LUZP2: variants seen among roughly 807,000 people sequenced by gnomAD.
LUZP2 encodes leucine zipper protein 2.
A neutral mutation model predicts 51.6 loss-of-function variants in LUZP2; 52 were observed. The ratio of observed to expected loss-of-function variants is 1.01; its 90% CI spans 0.81 to 1.27. The LOEUF is 1.27. LUZP2 is among the 50% of genes most tolerant of loss of function. The pLI is 0.00. For missense variants in LUZP2, 436 were observed against 395.4 expected (o/e 1.10, Z -0.87); for synonymous variants, 154 against 137.3 (o/e 1.12, Z -0.85).
At chr11:25,014,067 A>G (rs1857064797) in intron 9 of LUZP2, among the ~76,000 whole-genome samples, 1 of 152,170 alleles carries the variant, frequency 6.6e-6, no homozygotes, top group South Asian at 2.1e-4. Context: ...TGTCCCTACA[A>G]AGGACATGAA....
rs1853975050 is a variant in LUZP2, at chr11:24,919,869, G to A, written c.522+5331G>A. 2.6e-5 allele frequency among the ~76,000 whole-genome samples: 4 copies of A among 151,234 alleles called. No homozygotes were observed. The South Asian group carries it at 8.3e-4, about 31-fold the overall frequency. ...TCTCCCATCAGTACAATAATAACAA[G>A]AGAAATGTTGAATTTAAGAATTATT... On this transcript the variant is annotated intron_variant, in intron 7 of 11. Coordinates refer to ENST00000336930, the MANE Select transcript of LUZP2 (RefSeq NM_001009909.4).
chr11:24,978,693 G>C (rs1284176987), intron 8 of LUZP2, among the ~76,000 whole-genome samples: 1 of 151,646 alleles, frequency 6.6e-6, no homozygotes, highest in Non-Finnish European at 1.5e-5. Context: ...TAACAATTAG[G>C]GAATAATTGT....
intron 1 of LUZP2, among the ~76,000 whole-genome samples, chr11:24,586,374 G>A (rs962953530): frequency 4.6e-5 from 7 of 151,672 alleles, no homozygotes; most frequent in Non-Finnish European, 8.8e-5. Flanking sequence ...TTTATTTTTA[G>A]AAAATTCACA....
At chr11:24,602,171 T>TATATATGTGTATATATGTATATATGTAC (rs1565020604) in intron 1 of LUZP2, among the ~76,000 whole-genome samples, 6 of 74,922 alleles carry the variant, frequency 8.0e-5, no homozygotes, top group African/African-American at 3.7e-4. Context: ...TATATGTGTA[T>TATATATGTGTATATATGTATATATGTAC]ATATATGTGT....
chr11:24,614,339 C>A (rs1854219378), intron 1 of LUZP2, among the ~76,000 whole-genome samples: 1 of 151,972 alleles, frequency 6.6e-6, no homozygotes, highest in Non-Finnish European at 1.5e-5. Flanking sequence ...CTATAACCAT[C>A]TTTTTCTGAA....
At chr11:24,671,005 G>A (rs1856385077) in intron 1 of LUZP2, among the ~76,000 whole-genome samples, 1 of 151,656 alleles carries the variant, frequency 6.6e-6, no homozygotes, top group Non-Finnish European at 1.5e-5. Flanking sequence ...TCTCAAAGAT[G>A]TCCTGGGTAT....
chr11:24,543,705 C>T (rs1851449979), intron 1 of LUZP2, among the ~76,000 whole-genome samples: 1 of 150,852 alleles, frequency 6.6e-6, no homozygotes, highest in African/African-American at 2.4e-5. Context: ...ACTGTAATCC[C>T]AGCTACTCAG....
intron 1 of LUZP2, among the ~76,000 whole-genome samples, chr11:24,613,555 T>G (rs1269100018): frequency 6.6e-6 from 1 of 152,026 alleles, no homozygotes; most frequent in Non-Finnish European, 1.5e-5. Context: ...GTTCAGATTC[T>G]TCTGGAAGAA....
At chr11:24,658,560 C>A (rs945018182) in intron 1 of LUZP2, among the ~76,000 whole-genome samples, 4 of 152,078 alleles carry the variant, frequency 2.6e-5, no homozygotes, top group African/African-American at 4.8e-5. Context: ...GCAACAAAAG[C>A]CAAAATTGAC....
intron 7 of LUZP2, among the ~76,000 whole-genome samples, chr11:24,921,923 G>A (rs1001821504): frequency 1.3e-5 from 2 of 152,022 alleles, no homozygotes; most frequent in South Asian, 2.1e-4. Context: ...CTATGAGACA[G>A]GAAAATTTAT....
At chr11:24,521,205 G>T (rs533022753) in intron 1 of LUZP2, among the ~76,000 whole-genome samples, 216 of 152,176 alleles carry the variant, frequency 1.4e-3, no homozygotes, top group Non-Finnish European at 1.8e-3. Flanking sequence ...GCAAAAGTTA[G>T]TCAGGCATGG....
At chr11:24,906,633 T>A (rs945146350) in intron 6 of LUZP2, among the ~76,000 whole-genome samples, 1 of 152,176 alleles carries the variant, frequency 6.6e-6, no homozygotes, top group Non-Finnish European at 1.5e-5. Flanking sequence ...AATGTGAAAA[T>A]GTAGCTCATA....
chr11:25,038,234 C>T (rs1401087909), intron 9 of LUZP2, among the ~76,000 whole-genome samples: 1 of 152,002 alleles, frequency 6.6e-6, no homozygotes, highest in African/African-American at 2.4e-5. Context: ...TTCTGTCTGA[C>T]ATAATTTATT....
chr11:24,678,317 T>C (rs1456930592), intron 1 of LUZP2, among the ~76,000 whole-genome samples: 3 of 152,156 alleles, frequency 2.0e-5, no homozygotes, highest in Non-Finnish European at 2.9e-5. Context: ...ATTTACACCA[T>C]TAGGTGATGA....
chr11:24,585,978 C>G (rs1565008430), intron 1 of LUZP2, among the ~76,000 whole-genome samples: 1 of 152,088 alleles, frequency 6.6e-6, no homozygotes, highest in Non-Finnish European at 1.5e-5. Context: ...TTGTATTGAT[C>G]TATACCTTTT....
intron 7 of LUZP2, among the ~76,000 whole-genome samples, chr11:24,926,580 T>C (rs1442261548): frequency 6.8e-6 from 1 of 147,978 alleles, no homozygotes; most frequent in Non-Finnish European, 1.5e-5. Flanking sequence ...TATACGTGTA[T>C]ATATATGTGT....
At chr11:24,682,112 G>T (rs1338477087) in intron 1 of LUZP2, among the ~76,000 whole-genome samples, 2 of 152,130 alleles carry the variant, frequency 1.3e-5, no homozygotes, top group East Asian at 1.9e-4. Flanking sequence ...AGTTAATGAC[G>T]ATTGAAAATA....
At chr11:24,811,558 A>G (rs1213386773) in intron 5 of LUZP2, among the ~76,000 whole-genome samples, 3 of 151,718 alleles carry the variant, frequency 2.0e-5, no homozygotes, top group Non-Finnish European at 4.4e-5. Context: ...TAGATAAATT[A>G]TGTGTTGCAG....
rs144534571 is a variant in LUZP2, at chr11:24,550,684, C to A, written c.62+53379C>A. 2.8e-4 allele frequency among the ~76,000 whole-genome samples: 43 copies of A among 152,166 alleles called. 1 individual carries two copies. The South Asian group carries it at 3.3e-3, about 12-fold the overall frequency. Reference sequence around the variant, plus strand: ...GTCTTTTGGAACAGGAATGAATGTACCTTATTCTCCATGTAACACTCTTTT... The same window carrying A: ...GTCTTTTGGAACAGGAATGAATGTAACTTATTCTCCATGTAACACTCTTTT... On this transcript the variant is annotated intron_variant, in intron 1 of 11. Coordinates refer to ENST00000336930, the MANE Select transcript of LUZP2 (RefSeq NM_001009909.4).
Sources: gnomAD v4.1 joint callset for allele counts (sites outside exome capture counted in the v4.1 genomes callset) on GRCh38, gnomAD v4.1.1 for gene constraint, MANE v1.5 for transcripts, NCBI Gene and HGNC (gene_info 2026-07-23, HGNC 2026-07-21) for gene names.